Variants in SLC26A2 observed in about 807,000 individuals in gnomAD.
SLC26A2 encodes sulfate transporter.
Under a neutral mutation model 41.1 loss-of-function variants are expected in SLC26A2, and 36 were observed. That is an observed-to-expected ratio of 0.88 (90% CI 0.67 to 1.16). The LOEUF (loss-of-function observed/expected upper bound fraction) is 1.16. SLC26A2 is among the 50% of genes most tolerant of loss of function. SLC26A2 has a pLI of 0.00. For missense variants in SLC26A2, 796 were observed against 869.6 expected (o/e 0.92, Z 1.07); for synonymous variants, 291 against 311.6 (o/e 0.93, Z 0.70).
At chr5:149,970,843 A>T (rs1295222823) in intron 1 of SLC26A2, among the ~76,000 whole-genome samples, 1 of 152,242 alleles carries the variant, frequency 6.6e-6, no homozygotes, top group African/African-American at 2.4e-5. Flanking sequence ...CTGATGGATT[A>T]TATATGGGAG....
Position 149,981,543 on chromosome 5 carries a change from G to T in SLC26A2, c.1950G>T (p.Val650=). The change falls in exon 3 of 3, where the codon GTG becomes GTT. Residue 650 remains valine (V), a synonymous_variant. Transcript: ENST00000286298. The part of the protein sequence containing the change: ...SHDPLELHTI[V]IDCSAIQFLD... ...ATCCCTTGGAGCTGCATACTATAGTGATTGACTGCAGTGCAATTCAATTTT... is the reference window on the plus strand; with the variant it reads ...ATCCCTTGGAGCTGCATACTATAGTTATTGACTGCAGTGCAATTCAATTTT... The T allele has an allele frequency of 6.2e-7, 1 of 1,614,082 alleles. No individual in the cohort carries two copies. The highest frequency in any genetic ancestry group is 8.5e-7 in the Non-Finnish European group (1 of 1,179,994).
At position 149,981,183 on chromosome 5, in the gene SLC26A2, C is replaced by T; in HGVS notation, c.1590C>T (p.Gly530=). The change falls in exon 3 of 3, where the codon GGC becomes GGT. Residue 530 remains glycine, a synonymous_variant. Coordinates refer to ENST00000286298, the MANE Select transcript of SLC26A2 (RefSeq NM_000112.4). ...CTGCACTGCTAAGTACTGAAATAGGCCTACTTGTTGGGGTTTGTTTTTCTA... is the reference window on the plus strand; with the variant it reads ...CTGCACTGCTAAGTACTGAAATAGGTCTACTTGTTGGGGTTTGTTTTTCTA... ...LSSALLSTEI[G]LLVGVCFSIF... is the part of the protein sequence containing the mutation. 6.2e-7 allele frequency: 1 copy of T among 1,614,056 alleles called. No homozygotes were observed. Among genetic ancestry groups the T allele is most frequent in the Non-Finnish European group, 8.5e-7 (1 of 1,180,002 alleles).
intron 1 of SLC26A2, among the ~76,000 whole-genome samples, chr5:149,962,549 G>C (rs940590697): frequency 6.6e-6 from 1 of 152,136 alleles, no homozygotes; most frequent in South Asian, 2.1e-4. Flanking sequence ...ATGTTGCCCA[G>C]TCAGGTTTCA....
intron 1 of SLC26A2, among the ~76,000 whole-genome samples, chr5:149,976,781 G>A (rs1403111792): frequency 6.6e-6 from 1 of 152,142 alleles, no homozygotes; most frequent in Non-Finnish European, 1.5e-5. Context: ...GGAAGTGCAG[G>A]GCAACATTAT....
At position 149,984,061 on chromosome 5, in the gene SLC26A2, G is replaced by A. The variant is rs760629385; in HGVS notation, c.*2248G>A. 6 of 152,144 alleles carry A rather than the reference G, an allele frequency of 3.9e-5. No individual in the cohort carries two copies. The highest frequency in any genetic ancestry group is 8.8e-5 in the Non-Finnish European group (6 of 68,030). The allele number at this position is 152,144 out of a possible 1,614,324, so 9.4% of individuals were successfully genotyped here. A position where few individuals can be genotyped will look rare whatever the true frequency, so the allele number is the denominator to read the frequency against. On this transcript the variant is annotated 3_prime_UTR_variant, in exon 3 of 3. Transcript: ENST00000286298. ...ATTCTGGAAAATCCCTCAGAAGGAG[G>A]GATAACAGGATTTGACCTTTACCAG...
At chr5:149,974,597 A>AT (rs749718123) in intron 1 of SLC26A2, among the ~76,000 whole-genome samples, 71 of 148,194 alleles carry the variant, frequency 4.8e-4, no homozygotes, top group Non-Finnish European at 8.0e-4. Flanking sequence ...TAATTTTTGT[A>AT]TTTTTTTAGA....
intron 1 of SLC26A2, among the ~76,000 whole-genome samples, chr5:149,969,834 C>T (rs115756904): frequency 8.8e-4 from 134 of 152,312 alleles, no homozygotes; most frequent in African/African-American, 3.1e-3. Flanking sequence ...TTTCTATTAA[C>T]GTTGCAGCTT....
At position 149,980,294 on chromosome 5, in the gene SLC26A2, T is replaced by A; in HGVS notation, c.701T>A (p.Val234Glu). Reference protein sequence around the residue: ...TVTFIAGVYQVAMGFFQVGFV... With the variant: ...TVTFIAGVYQEAMGFFQVGFV... ...ACACTTCTATATCCTTCCTTCCAGGTAGCGATGGGCTTCTTTCAAGTGGGT... is the reference window on the plus strand; with the variant it reads ...ACACTTCTATATCCTTCCTTCCAGGAAGCGATGGGCTTCTTTCAAGTGGGT... The change falls in exon 3 of 3, where the codon GTA becomes GAA. Residue 234 changes from valine to glutamate, a missense_variant and splice_region_variant. Physicochemically the swap from Val to Glu is moderately radical, Grantham distance 121. Transcript: ENST00000286298. The A allele has an allele frequency of 6.2e-7, 1 of 1,613,092 alleles. No homozygotes were observed. Among genetic ancestry groups the A allele is most frequent in the Non-Finnish European group, 8.5e-7 (1 of 1,179,018 alleles).
chr5:149,961,252 G>A (rs1004685395), intron 1 of SLC26A2, among the ~76,000 whole-genome samples: 4 of 152,078 alleles, frequency 2.6e-5, no homozygotes, highest in African/African-American at 9.7e-5. Context: ...GTATCTCGCC[G>A]GGTGCCACGC....
At chr5:149,974,274 T>C (rs1427542441) in intron 1 of SLC26A2, among the ~76,000 whole-genome samples, 1 of 152,128 alleles carries the variant, frequency 6.6e-6, no homozygotes, top group Admixed American at 6.5e-5. Context: ...TATATGTTTT[T>C]TCTTTGTCTT....
chr5:149,977,504 C>G lies in SLC26A2; in HGVS notation c.-25-124C>G, dbSNP rs138150237. 86 of 683,430 alleles carry G rather than the reference C, an allele frequency of 1.3e-4. 1 individual carries two copies. The East Asian group carries it at 2.2e-3, about 17-fold the overall frequency. The allele number at this position is 683,430 out of a possible 1,614,324, so 42.3% of individuals were successfully genotyped here. Reference sequence around the variant, plus strand: ...ATGAGGCTCAATTAAGGAAAAGGGACATAAGATACCTATTCCAAAACTGAA... The same window carrying G: ...ATGAGGCTCAATTAAGGAAAAGGGAGATAAGATACCTATTCCAAAACTGAA... On this transcript the variant is annotated intron_variant, in intron 1 of 2. Transcript: ENST00000286298.
Position 149,982,262 on chromosome 5 carries a change from A to T in SLC26A2, c.*449A>T, listed in dbSNP as rs1755122258. ...TGCACCTGCTCTAGTACCATAGGTC[A>T]AGAGGCTTCTGGATCACAAAGTCAT... On this transcript the variant is annotated 3_prime_UTR_variant, in exon 3 of 3. Transcript: ENST00000286298. 6.4e-6 allele frequency: 1 copy of T among 156,454 alleles called. No individual in the cohort carries two copies. The highest frequency in any genetic ancestry group is 6.2e-5 in the Admixed American group (1 of 16,104). 9.7% of individuals were successfully genotyped at this position (156,454 alleles called of 1,614,324 possible). A position where few individuals can be genotyped will look rare whatever the true frequency, so the allele number is the denominator to read the frequency against.
intron 1 of SLC26A2, among the ~76,000 whole-genome samples, chr5:149,975,506 C>T (rs779132682): frequency 9.2e-5 from 14 of 152,110 alleles, no homozygotes; most frequent in Non-Finnish European, 5.9e-5. Flanking sequence ...CAAAATAGGA[C>T]GTTGGTGCAC....
chr5:149,964,214 C>T (rs1352320342), intron 1 of SLC26A2, among the ~76,000 whole-genome samples: 1 of 152,150 alleles, frequency 6.6e-6, no homozygotes, highest in Non-Finnish European at 1.5e-5. Context: ...TCAGGCTGGG[C>T]TCTTCCTTTG....
At position 149,987,161 on chromosome 5, in the gene SLC26A2, A is replaced by G. The variant is rs1217436806; in HGVS notation, c.*5348A>G. The stretch of plus-strand genomic sequence containing the variant: ...GAACATGTTTTATACTGTATTTTTT[A>G]ATTAAAGCAAGTGCCTTGATGTAAT... On this transcript the variant is annotated 3_prime_UTR_variant, in exon 3 of 3. Transcript: ENST00000286298. 1 of 152,190 alleles carries G rather than the reference A, an allele frequency of 6.6e-6. No homozygotes were observed. The highest frequency in any genetic ancestry group is 1.5e-5 in the Non-Finnish European group (1 of 68,018). The allele number at this position is 152,190 out of a possible 1,614,324, so 9.4% of individuals were successfully genotyped here. A position where few individuals can be genotyped will look rare whatever the true frequency, so the allele number is the denominator to read the frequency against.
In SLC26A2 at chr5:149,981,769, A is replaced by G; in HGVS notation, c.2176A>G (p.Lys726Glu). The stretch of plus-strand genomic sequence containing the variant: ...TTTTGCAGAAGTATCTAAAAATCAG[A>G]AAGGAGTATGTGTTCCCAATGGTCT... ...MAFAEVSKNQ[K>E]GVCVPNGLSL... The change falls in exon 3 of 3, where the codon AAA (lysine) becomes GAA (glutamate). Residue 726 changes from lysine (K) to glutamate (E), a missense_variant. Transcript: ENST00000286298. The G allele has an allele frequency of 6.2e-7, 1 of 1,612,436 alleles. No homozygotes were observed. The highest frequency in any genetic ancestry group is 8.5e-7 in the Non-Finnish European group (1 of 1,179,510).
chr5:149,962,841 A>C (rs1370811610), intron 1 of SLC26A2, among the ~76,000 whole-genome samples: 2 of 152,144 alleles, frequency 1.3e-5, no homozygotes, highest in African/African-American at 4.8e-5. Flanking sequence ...ATAGCTGTTA[A>C]ATTCTAATTC....
intron 1 of SLC26A2, 86 bp downstream of exon 1, chr5:149,961,065 G>A (rs966366882): frequency 6.6e-5 from 10 of 152,346 alleles, no homozygotes; most frequent in African/African-American, 2.2e-4. Flanking sequence ...GAGTCATTCT[G>A]CCTGGGTCCC....
rs1246771192 is a variant in SLC26A2 at position 149,981,645 on chromosome 5, T to A, written c.2052T>A (p.Ala684=). 6.2e-7 allele frequency: 1 copy of A among 1,614,138 alleles called. No homozygotes were observed. Among genetic ancestry groups the A allele is most frequent in the South Asian group, 1.1e-5 (1 of 91,076 alleles). The change falls in exon 3 of 3, where the codon GCT becomes GCA. Residue 684 remains alanine (A), a synonymous_variant. Transcript: ENST00000286298. ...YEAIGIQVLL[A]QCNPTVRDSL... is the part of the protein sequence containing the mutation. The stretch of plus-strand genomic sequence containing the variant: ...CCATTGGAATCCAGGTTCTGCTGGC[T>A]CAGTGCAATCCCACTGTGAGGGATT...
Sources: allele counts gnomAD v4.1 joint callset (sites outside exome capture counted in the v4.1 genomes callset), GRCh38; gene constraint gnomAD v4.1.1; transcripts MANE v1.5; gene names NCBI Gene and HGNC (gene_info 2026-07-23, HGNC 2026-07-21).